The following THAP4 variants were observed in gnomAD, a reference collection of about 807,000 sequenced individuals.
THAP4 encodes peroxynitrite isomerase THAP4.
A neutral mutation model predicts 48.1 loss-of-function variants in THAP4; 18 were observed. The ratio of observed to expected loss-of-function variants is 0.37; its 90% CI spans 0.26 to 0.56. The LOEUF (loss-of-function observed/expected upper bound fraction) is 0.56. THAP4 is among the 20% of genes least tolerant of loss of function. The pLI is 0.78. For missense variants in THAP4, 656 were observed against 774.9 expected, an observed-to-expected ratio of 0.85 and a Z score of 1.82; for synonymous variants, 345 against 324.9, an observed-to-expected ratio of 1.06 and a Z score of -0.66.
At chr2:241,602,044 G>A (rs1311639014) in intron 4 of THAP4, 45 bp from the exon 5 acceptor site, 1 of 1,584,972 alleles carries the variant, frequency 6.3e-7, no homozygotes, top group Non-Finnish European at 8.6e-7. Context: ...TGCTCGGCTT[G>A]CAGAGAGGCA....
At chr2:241,605,602 C>T (rs797000627) in intron 3 of THAP4, among the ~76,000 whole-genome samples, 17 of 152,192 alleles carry the variant, frequency 1.1e-4, no homozygotes, top group African/African-American at 3.6e-4. Context: ...CTTTCTTGTA[C>T]GGTAAGAATA....
chr2:241,633,023 C>T lies in THAP4; in HGVS notation c.1134G>A (p.Gln378=). The T allele has an allele frequency of 6.2e-7, 1 of 1,613,836 alleles. No individual in the cohort carries two copies. Among genetic ancestry groups the T allele is most frequent in the Non-Finnish European group, 8.5e-7 (1 of 1,179,994 alleles). Residue 378 remains glutamine (Q), a synonymous_variant, in exon 2 of 6, where the codon CAG becomes CAA. Coordinates refer to ENST00000407315, the MANE Select transcript of THAP4 (RefSeq NM_015963.6). The surrounding 1 kb of genome is among the most constrained non-coding windows in gnomAD (Gnocchi z 7.5). ...CCTGGCTGTCGGAGCGGCTGACCCT[C>T]TGCCGCAGGCTCTTCAGCTCGCCGT... ...KKNGELKSLR[Q]RVSRSDSQVR...
chr2:241,597,354 G>A (rs1257879081), intron 5 of THAP4, among the ~76,000 whole-genome samples: 1 of 152,102 alleles, frequency 6.6e-6, no homozygotes, highest in Non-Finnish European at 1.5e-5. Flanking sequence ...GACTGATCTC[G>A]AACTCCTGAC....
chr2:241,612,773 A>G lies in THAP4; in HGVS notation c.1241-6300T>C, dbSNP rs1475863088. Among the ~76,000 whole-genome samples, 1 of 152,236 alleles carries G rather than the reference A, an allele frequency of 6.6e-6. No homozygotes were observed. Among genetic ancestry groups the G allele is most frequent in the East Asian group, 1.9e-4 (1 of 5,196 alleles). On this transcript the variant is annotated intron_variant, in intron 2 of 5. Transcript: ENST00000407315. This position sits in a 1 kb window ranked among gnomAD's most constrained non-coding sequence, Gnocchi z 4.1. ...CTCCACAGCTGCGTTCTGTGGCAGA[A>G]GACGCTAGAGTCACACGTAGAAGGC... is the stretch of plus-strand genomic sequence containing the variant.
chr2:241,620,252 A>G (rs1358290015), intron 2 of THAP4, among the ~76,000 whole-genome samples: 2 of 32,524 alleles, frequency 6.1e-5, no homozygotes. Context: ...GTGAGTGAGG[A>G]GTGAGTGAGG....
chr2:241,629,626 T>A (rs917757488), intron 2 of THAP4, among the ~76,000 whole-genome samples: 1 of 151,836 alleles, frequency 6.6e-6, no homozygotes, highest in Non-Finnish European at 1.5e-5. Flanking sequence ...ACAAAAAGAC[T>A]TTTGGATTGA....
chr2:241,599,194 G>A (rs964337732), intron 5 of THAP4, among the ~76,000 whole-genome samples: 1 of 151,760 alleles, frequency 6.6e-6, no homozygotes, highest in Non-Finnish European at 1.5e-5. Flanking sequence ...GGAGGTTGCA[G>A]TGAGCTGAGA....
rs1553556024 is a variant in THAP4, at chr2:241,602,372, C to CT, written c.1511-374dup. Among the ~76,000 whole-genome samples the CT allele has an allele frequency of 2.2e-4, 30 of 139,078 alleles. 1 individual carries two copies. Among genetic ancestry groups the CT allele is most frequent in the South Asian group, 9.5e-4 (4 of 4,206 alleles). The allele number at this position is 139,078 out of a possible 152,430, so 91.2% of individuals were successfully genotyped here. ...CACGCAGGCTGGTTTTTTTTTTTTT[C>CT]TTTTTTTTTTGAGACAGAATCTCGC... On this transcript the variant is annotated intron_variant, in intron 4 of 5. Transcript: ENST00000407315.
In THAP4 at chr2:241,601,757, G is replaced by A. The variant is rs2067115525; in HGVS notation, c.1614+139C>T. ...ATCCACCCTGGATGGTCCGAGAAGG[G>A]AAAAGAAGGAGACAGTGAAGACAGG... is the stretch of plus-strand genomic sequence containing the variant. On this transcript the variant is annotated intron_variant, in intron 5 of 5. Transcript: ENST00000407315. This position sits in a 1 kb window ranked among gnomAD's most constrained non-coding sequence, Gnocchi z 4.0. 6.7e-7 allele frequency: 1 copy of A among 1,499,406 alleles called. No individual in the cohort carries two copies. The highest frequency in any genetic ancestry group is 1.4e-5 in the African/African-American group (1 of 72,134). 92.9% of individuals were successfully genotyped at this position (1,499,406 alleles called of 1,614,324 possible). A position where few individuals can be genotyped will look rare whatever the true frequency, so the allele number is the denominator to read the frequency against.
At chr2:241,626,570 GT>G (rs569065667) in intron 2 of THAP4, among the ~76,000 whole-genome samples, 61 of 144,444 alleles carry the variant, frequency 4.2e-4, no homozygotes, top group Middle Eastern at 3.6e-3. Flanking sequence ...AACAGTTTTT[GT>G]TTTTTTTTTT....
chr2:241,628,925 CAAAAAAAAAAA>C (rs34034619), intron 2 of THAP4, among the ~76,000 whole-genome samples: 1 of 64,348 alleles, frequency 1.6e-5, no homozygotes, highest in Non-Finnish European at 2.9e-5. Flanking sequence ...GAGATTGTCT[CAAAAAAAAAAA>C]AAAAAAAAAA....
At chr2:241,608,894 C>G (rs2067224559) in intron 2 of THAP4, among the ~76,000 whole-genome samples, 2 of 152,222 alleles carry the variant, frequency 1.3e-5, no homozygotes, top group Admixed American at 6.5e-5. Context: ...TGCAGCTACC[C>G]TGGAGAAGAG....
Position 241,636,980 on chromosome 2 carries a change from C to G in THAP4, c.38G>C (p.Arg13Pro), listed in dbSNP as rs757598414. 2 of 1,327,432 alleles carry G rather than the reference C, an allele frequency of 1.5e-6. No individual in the cohort carries two copies. The highest frequency in any genetic ancestry group is 2.0e-6 in the Non-Finnish European group (2 of 1,015,794). The allele number at this position is 1,327,432 out of a possible 1,614,324, so 82.2% of individuals were successfully genotyped here. ...GGCGCGCTTCTCGCCCTTTCCCTGCCGGTTGGAGCAGTTCACGGCCGCACA... is the reference window on the plus strand; with the variant it reads ...GGCGCGCTTCTCGCCCTTTCCCTGCGGGTTGGAGCAGTTCACGGCCGCACA... ...ICCAAVNCSNRQGKGEKRAVS... is the reference protein window; with the variant it reads ...ICCAAVNCSNPQGKGEKRAVS... Residue 13 changes from arginine (R) to proline (P), a missense_variant, in exon 1 of 6, where the codon CGG (arginine) becomes CCG (proline). By Grantham distance (103) the Arg-to-Pro change is moderately radical. Around this residue, in one of 4 missense-constraint regions of THAP4, gnomAD observed 59 missense variants for 45.8 expected, o/e 1.29. Coordinates refer to ENST00000407315, the MANE Select transcript of THAP4 (RefSeq NM_015963.6).
chr2:241,609,178 G>T (rs892917766), intron 2 of THAP4, among the ~76,000 whole-genome samples: 2 of 152,280 alleles, frequency 1.3e-5, no homozygotes, highest in African/African-American at 4.8e-5. Context: ...GGAGGCAGTG[G>T]AAAGGACCTA....
At position 241,590,837 on chromosome 2, in the gene THAP4, C is replaced by G. The variant is rs535714648; in HGVS notation, c.1615-6112G>C. On this transcript the variant is annotated intron_variant, in intron 5 of 5. Coordinates refer to ENST00000407315, the MANE Select transcript of THAP4 (RefSeq NM_015963.6). The stretch of plus-strand genomic sequence containing the variant: ...GGGCACTAGGACACGCAGAGCTGCC[C>G]GGCTGACGATAATGGGCACTAGGAC... 1.1e-3 allele frequency among the ~76,000 whole-genome samples: 164 copies of G among 146,142 alleles called. 1 individual carries two copies. The highest frequency in any genetic ancestry group is 4.0e-3 in the African/African-American group (156 of 39,440).
intron 5 of THAP4, among the ~76,000 whole-genome samples, chr2:241,585,775 T>A (rs1359136821): frequency 6.6e-6 from 1 of 151,666 alleles, no homozygotes; most frequent in African/African-American, 2.4e-5. Flanking sequence ...CAGCCGGGCA[T>A]GGTGGTATGC....
chr2:241,598,782 A>G (rs2067079555), intron 5 of THAP4, among the ~76,000 whole-genome samples: 1 of 152,168 alleles, frequency 6.6e-6, no homozygotes, highest in South Asian at 2.1e-4. Flanking sequence ...GACAAGGGGG[A>G]AAAACAGATT....
chr2:241,633,582 G>C lies in THAP4; in HGVS notation c.575C>G (p.Ala192Gly), dbSNP rs147957437. 2 of 1,613,580 alleles carry C rather than the reference G, an allele frequency of 1.2e-6. No homozygotes were observed. The highest frequency in any genetic ancestry group is 2.2e-5 in the South Asian group (2 of 91,070). ...CTCATCGCCAGCATCTGTGGCAGAC[G>C]CTTCTGCTTTTCCCTGACTGCCTGC... ...MVAGSQGKAE[A>G]SATDAGDESA... is the part of the protein sequence containing the mutation. The change falls in exon 2 of 6, where the codon GCG becomes GGG. Residue 192 changes from alanine to glycine, a missense_variant. Physicochemically the swap from Ala to Gly is moderately conservative, Grantham distance 60. Transcript: ENST00000407315. The surrounding 1 kb of genome is among the most constrained non-coding windows in gnomAD (Gnocchi z 7.5).
At chr2:241,624,023 A>G (rs2067465947) in intron 2 of THAP4, among the ~76,000 whole-genome samples, 1 of 152,158 alleles carries the variant, frequency 6.6e-6, no homozygotes, top group Non-Finnish European at 1.5e-5. Context: ...CCCCCATCTG[A>G]GGACGATGGC....
Sources: allele counts gnomAD v4.1 joint callset (sites outside exome capture counted in the v4.1 genomes callset), GRCh38; gene constraint gnomAD v4.1.1; regional missense constraint gnomAD v4.1.1; non-coding constraint Gnocchi (gnomAD v3.1); transcripts MANE v1.5; gene names NCBI Gene and HGNC (gene_info 2026-07-23, HGNC 2026-07-21).